The following CCDC57 variants were observed in gnomAD, a reference collection of about 807,000 sequenced individuals.
CCDC57 encodes coiled-coil domain containing 57.
In CCDC57, 118 loss-of-function variants were observed where a neutral mutation model predicts 118.9. The observed-to-expected ratio is 0.99, with a 90% CI of 0.86 to 1.16. CCDC57 has a LOEUF of 1.16. Ranked by LOEUF, CCDC57 falls within the 50% of genes most tolerant of loss-of-function variation. The probability of loss-of-function intolerance (pLI) is 0.00; values close to 1 mark genes in which losing one functional copy is unlikely to be tolerated. For missense variants in CCDC57, 1,300 were observed against 1,320.7 expected (o/e 0.98, Z 0.24); for synonymous variants, 527 against 532.9 (o/e 0.99, Z 0.15).
rs542853005 is a variant in CCDC57 at position 82,141,120 on chromosome 17, C to T, written c.2456-6926G>A. On this transcript the variant is annotated intron_variant, in intron 16 of 19. Coordinates refer to ENST00000665763, the Ensembl canonical transcript of CCDC57. ...CCGCCTCCCAGGTTCAAGCTATTCT[C>T]CTGCCTCAGCCTCTTGAGTAGCTGG... Among the ~76,000 whole-genome samples the T allele has an allele frequency of 2.6e-5, 4 of 151,336 alleles. No individual in the cohort carries two copies. The South Asian group carries it at 6.3e-4, about 24-fold the overall frequency.
Position 82,172,727 on chromosome 17 carries a change from T to G in CCDC57, c.1640A>C (p.His547Pro), listed in dbSNP as rs895462921. 6.3e-7 allele frequency: 1 copy of G among 1,596,328 alleles called. No individual in the cohort carries two copies. The highest frequency in any genetic ancestry group is 1.3e-5 in the African/African-American group (1 of 74,744). The change falls in exon 12 of 20, where the codon CAT becomes CCT. Residue 547 changes from histidine (H) to proline (P), a missense_variant. His to Pro is a moderately conservative substitution (Grantham distance 77, BLOSUM62 -2). Transcript: ENST00000665763. This position sits in a 1 kb window ranked among gnomAD's most constrained non-coding sequence, Gnocchi z 5.2. ...TGTCTGGATGGGAGGAGGAATCTGA[T>G]GGCTTAGAGCCTCCATTTCTTTCCT...
At chr17:82,119,330 G>A (rs2036354866) in intron 19 of CCDC57, among the ~76,000 whole-genome samples, 1 of 151,804 alleles carries the variant, frequency 6.6e-6, no homozygotes, top group Non-Finnish European at 1.5e-5. Context: ...GAGACTCCTG[G>A]GTTTTGTAGA....
intron 16 of CCDC57, among the ~76,000 whole-genome samples, chr17:82,145,026 C>CTTTTT (rs63184860): frequency 1.7e-5 from 2 of 120,264 alleles, no homozygotes; most frequent in Non-Finnish European, 3.4e-5. Context: ...TTTTTTTTTT[C>CTTTTT]TTTTTTTTTT....
intron 19 of CCDC57, among the ~76,000 whole-genome samples, chr17:82,115,277 C>G (rs1230046827): frequency 2.3e-5 from 1 of 44,318 alleles, no homozygotes. Context: ...GAAGAGGGGG[C>G]AAGAGGGGGC....
Position 82,128,471 on chromosome 17 carries a change from G to T in CCDC57, c.2682+22C>A, listed in dbSNP as rs530948823. The T allele has an allele frequency of 4.6e-4, 696 of 1,518,134 alleles. 9 individuals carry two copies. In the South Asian group the frequency reaches 7.2e-3, roughly 16 times the overall value. 94.0% of individuals were successfully genotyped at this position (1,518,134 alleles called of 1,614,324 possible). A position where few individuals can be genotyped will look rare whatever the true frequency, so the allele number is the denominator to read the frequency against. ...GGCCACACCCCACACAGCTGCACTT[G>T]CTCGGGCGCCGCCACTCTCACCTTC... is the stretch of plus-strand genomic sequence containing the variant. On this transcript the variant is annotated intron_variant, in intron 18 of 19. Transcript: ENST00000665763.
chr17:82,184,788 G>A (rs2046730237), intron 8 of CCDC57, among the ~76,000 whole-genome samples: 1 of 152,252 alleles, frequency 6.6e-6, no homozygotes, highest in South Asian at 2.1e-4. Flanking sequence ...ATATAGAATG[G>A]AAAAAAAGCC....
At chr17:82,208,858 C>T (rs2049968339) in intron 1 of CCDC57, among the ~76,000 whole-genome samples, 1 of 152,090 alleles carries the variant, frequency 6.6e-6, no homozygotes, top group Non-Finnish European at 1.5e-5. Context: ...CTCTGGGAGG[C>T]CAAATTCAGT....
intron 19 of CCDC57, among the ~76,000 whole-genome samples, chr17:82,122,750 C>G (rs976992302): frequency 3.9e-5 from 6 of 152,236 alleles, no homozygotes; most frequent in Admixed American, 3.3e-4. Flanking sequence ...TGCACACGGG[C>G]ACCGAGCCCC....
chr17:82,183,760 C>T lies in CCDC57; in HGVS notation c.1211+14G>A, dbSNP rs1039733770. On this transcript the variant is annotated intron_variant, in intron 9 of 19. Coordinates refer to ENST00000665763, the Ensembl canonical transcript of CCDC57. ...GGAGACCCTCAATGGAAACATCTGC[C>T]TGGGGACAGTTACCTTTCAATGTCC... The T allele has an allele frequency of 8.4e-6, 13 of 1,551,360 alleles. No individual in the cohort carries two copies. The Admixed American group carries it at 2.6e-4, about 30-fold the overall frequency.
chr17:82,104,963 G>T (rs2034739932), intron 19 of CCDC57: 1 of 152,290 alleles, frequency 6.6e-6, no homozygotes, highest in Admixed American at 6.5e-5. Flanking sequence ...GGACGGAGCT[G>T]GTCCCCAGCT....
chr17:82,150,461 G>C (rs199543914), intron 16 of CCDC57, among the ~76,000 whole-genome samples: 2 of 57,688 alleles, frequency 3.5e-5, no homozygotes, highest in African/African-American at 6.0e-5. Context: ...AGAACCAGGC[G>C]CACACCCAGA....
At chr17:82,170,701 G>C (rs1380057368) in intron 13 of CCDC57, among the ~76,000 whole-genome samples, 2 of 152,096 alleles carry the variant, frequency 1.3e-5, no homozygotes, top group Non-Finnish European at 2.9e-5. Context: ...CCAGAAGTGA[G>C]AAAATAAAAC....
chr17:82,134,401 C>G, intron 16 of CCDC57: 1 of 404,622 alleles, frequency 2.5e-6, no homozygotes, highest in Non-Finnish European at 4.2e-6. Context: ...AATGCCACGC[C>G]CCTGCCACAC....
rs1370822543 is a variant in CCDC57, at chr17:82,157,450, C to A, written c.2241+298G>T. The A allele has an allele frequency of 3.6e-6, 5 of 1,375,082 alleles. No homozygotes were observed. In the East Asian group the frequency reaches 1.4e-4, roughly 38 times the overall value. The allele number at this position is 1,375,082 out of a possible 1,614,324, so 85.2% of individuals were successfully genotyped here. ...AAACATGAGCCACCTTCAGTGTGTG[C>A]GTTTCCAACACAAGATGCTGTTAGC... On this transcript the variant is annotated intron_variant, in intron 15 of 19. Coordinates refer to ENST00000665763, the Ensembl canonical transcript of CCDC57.
chr17:82,126,479 C>A (rs889236840), intron 19 of CCDC57: 1 of 975,416 alleles, frequency 1.0e-6, no homozygotes, highest in Non-Finnish European at 1.2e-6. Context: ...ATAAGAAAGA[C>A]CACAATCTAA....
intron 11 of CCDC57, among the ~76,000 whole-genome samples, chr17:82,173,995 C>T (rs1046521206): frequency 3.3e-4 from 51 of 152,246 alleles, no homozygotes; most frequent in Non-Finnish European, 2.9e-5. Context: ...AGAGGAAACA[C>T]CTGCTTCCAG....
intron 2 of CCDC57, among the ~76,000 whole-genome samples, chr17:82,203,608 T>A (rs2047037370): frequency 6.6e-6 from 1 of 152,044 alleles, no homozygotes; most frequent in Non-Finnish European, 1.5e-5. Context: ...AACTCAGGAG[T>A]TCCACGCTGC....
At chr17:82,134,363 A>T in intron 16 of CCDC57, 169 bp from the exon 16 acceptor site, 1 of 520,220 alleles carries the variant, frequency 1.9e-6, no homozygotes, top group Non-Finnish European at 3.0e-6. Flanking sequence ...TGTGACACAC[A>T]GCATTTCGGT....
chr17:82,179,564 G>A (rs1227075219), intron 9 of CCDC57, among the ~76,000 whole-genome samples: 7 of 152,174 alleles, frequency 4.6e-5, no homozygotes, highest in Admixed American at 3.9e-4. Context: ...ACCCAGCCAC[G>A]GGGTGGGCAG....
Sources: allele counts gnomAD v4.1 joint callset (sites outside exome capture counted in the v4.1 genomes callset), GRCh38; gene constraint gnomAD v4.1.1; non-coding constraint Gnocchi (gnomAD v3.1); transcripts MANE v1.5; gene names NCBI Gene and HGNC (gene_info 2026-07-23, HGNC 2026-07-21).